Variants in CEP97 observed in about 807,000 individuals in gnomAD.
The protein encoded by CEP97 is centrosomal protein of 97 kDa.
Under a neutral mutation model 73.1 loss-of-function variants are expected in CEP97, and 43 were observed. The observed-to-expected ratio is 0.59, with a 90% CI of 0.46 to 0.76. CEP97 has a LOEUF of 0.76. CEP97 is among the 30% of genes least tolerant of loss of function. The pLI, the probability that CEP97 is intolerant of heterozygous loss-of-function variation, is 0.00. For missense variants in CEP97, 939 were observed against 1,014.0 expected, an observed-to-expected ratio of 0.93 and a Z score of 1.00; for synonymous variants, 337 against 370.0, an observed-to-expected ratio of 0.91 and a Z score of 1.02.
Position 101,757,857 on chromosome 3 carries a change from T to C in CEP97, c.1251T>C (p.Pro417=). 3 of 1,614,250 alleles carry C rather than the reference T, an allele frequency of 1.9e-6. No homozygotes were observed. The highest frequency in any genetic ancestry group is 2.5e-6 in the Non-Finnish European group (3 of 1,180,050). Residue 417 remains proline (P), a synonymous_variant, in exon 9 of 11, where the codon CCT becomes CCC. Transcript: ENST00000341893. Reference sequence around the variant, plus strand: ...CATCAGGACTGTCTCCACTATCACCTACAGTTGAGCTGAGGCTGCAGGGCA... The same window carrying C: ...CATCAGGACTGTCTCCACTATCACCCACAGTTGAGCTGAGGCTGCAGGGCA... ...PVASGLSPLS[P]TVELRLQGIN... is the part of the protein sequence containing the mutation.
Position 101,758,139 on chromosome 3 carries a change from A to G in CEP97, c.1533A>G (p.Lys511=), listed in dbSNP as rs1479302378. The change falls in exon 9 of 11, where the codon AAA becomes AAG. Residue 511 remains lysine (K), a synonymous_variant. Transcript: ENST00000341893. Reference sequence around the variant, plus strand: ...TTTTTCCTGAGTCAACTGAGCAGAAACAATCAGACATAAAGAAACCAGAAA... The same window carrying G: ...TTTTTCCTGAGTCAACTGAGCAGAAGCAATCAGACATAAAGAAACCAGAAA... The part of the protein sequence containing the change: ...LTFFPESTEQ[K]QSDIKKPENT... 1 of 1,614,222 alleles carries G rather than the reference A, an allele frequency of 6.2e-7. No homozygotes were observed. Among genetic ancestry groups the G allele is most frequent in the Admixed American group, 1.7e-5 (1 of 60,026 alleles).
At chr3:101,756,049 A>T (rs1032837896) in intron 7 of CEP97, among the ~76,000 whole-genome samples, 1 of 151,962 alleles carries the variant, frequency 6.6e-6, no homozygotes, top group African/African-American at 2.4e-5. Flanking sequence ...TAGGATTTTT[A>T]AAAAATATAT....
Position 101,726,604 on chromosome 3 carries a change from C to T in CEP97, c.54C>T (p.Val18=). The part of the protein sequence containing the change: ...AALPPGEGSV[V]NWSGQGLQKL... ...CCGTTTCTTTTCAAGGATCAGTGGT[C>T]AATTGGTCAGGACAGGGACTACAGA... The change falls in exon 2 of 11, where the codon GTC becomes GTT. Residue 18 remains valine, a synonymous_variant. Transcript: ENST00000341893. The T allele has an allele frequency of 6.3e-7, 1 of 1,586,164 alleles. No individual in the cohort carries two copies. The highest frequency in any genetic ancestry group is 8.5e-7 in the Non-Finnish European group (1 of 1,170,400).
Position 101,757,844 on chromosome 3 carries a change from C to T in CEP97, c.1238C>T (p.Ser413Phe). 6.2e-7 allele frequency: 1 copy of T among 1,614,226 alleles called. No individual in the cohort carries two copies. The highest frequency in any genetic ancestry group is 2.2e-5 in the East Asian group (1 of 44,886). The change falls in exon 9 of 11, where the codon TCT becomes TTT. Residue 413 changes from serine to phenylalanine, a missense_variant. Ser to Phe is a radical substitution (Grantham distance 155). Transcript: ENST00000341893. ...TTTATGCCAGTTGCATCAGGACTGT[C>T]TCCACTATCACCTACAGTTGAGCTG... ...STFMPVASGL[S>F]PLSPTVELRL... is the part of the protein sequence containing the mutation.
chr3:101,725,513 C>G lies in CEP97; in HGVS notation c.43+794C>G, dbSNP rs189763665. On this transcript the variant is annotated intron_variant, in intron 1 of 10. Coordinates refer to ENST00000341893, the MANE Select transcript of CEP97 (RefSeq NM_024548.4). ...TTGGGGGAAGAGTTGGTGGATGGTT[C>G]TCAGACCTCTCTGTCGACCCCTTGG... Among the ~76,000 whole-genome samples the G allele has an allele frequency of 2.6e-5, 4 of 152,236 alleles. No homozygotes were observed. The East Asian group carries it at 7.7e-4, about 29-fold the overall frequency.
rs79459413 is a variant in CEP97, at chr3:101,755,289, A to T, written c.729-141A>T. ...TATGAGTCAGAATGATAGATTTTTT[A>T]AAAAAATTGAGTGAATTTTATTTAT... On this transcript the variant is annotated intron_variant, in intron 6 of 10. Coordinates refer to ENST00000341893, the MANE Select transcript of CEP97 (RefSeq NM_024548.4). The T allele has an allele frequency of 0.012, 8,720 of 725,608 alleles. 588 individuals carry two copies. In the African/African-American group the frequency reaches 0.14, roughly 12 times the overall value. The allele number at this position is 725,608 out of a possible 1,614,324, so 44.9% of individuals were successfully genotyped here.
In CEP97 at chr3:101,767,820, A is replaced by G. The variant is rs1438975186; in HGVS notation, c.*2269A>G. The G allele has an allele frequency of 2.0e-5, 3 of 152,214 alleles. No individual in the cohort carries two copies. The allele number at this position is 152,214 out of a possible 1,614,324, so 9.4% of individuals were successfully genotyped here. On this transcript the variant is annotated 3_prime_UTR_variant, in exon 11 of 11. Transcript: ENST00000341893. ...AATAGCCCCTTCCTTAACTGTACATATTATCTTGAATGTAGATAAAATGAA... is the reference window on the plus strand; with the variant it reads ...AATAGCCCCTTCCTTAACTGTACATGTTATCTTGAATGTAGATAAAATGAA...
At chr3:101,750,312 C>T (rs1235218004) in intron 6 of CEP97, among the ~76,000 whole-genome samples, 53 of 148,954 alleles carry the variant, frequency 3.6e-4, no homozygotes, top group Admixed American at 7.4e-4. Flanking sequence ...TGTAGATATG[C>T]GGCGTTATTT....
intron 6 of CEP97, among the ~76,000 whole-genome samples, chr3:101,747,509 T>C (rs1015942811): frequency 7.9e-5 from 12 of 151,808 alleles, no homozygotes; most frequent in African/African-American, 2.9e-4. Flanking sequence ...TCCGCCCACC[T>C]CAGCCTCCCA....
At chr3:101,725,212 G>C in intron 1 of CEP97, among the ~76,000 whole-genome samples, 1 of 152,206 alleles carries the variant, frequency 6.6e-6, no homozygotes, top group East Asian at 1.9e-4. Flanking sequence ...AAATCTAAGG[G>C]ATGATCCAGA....
Position 101,727,350 on chromosome 3 carries a change from T to A in CEP97, c.187-33T>A, listed in dbSNP as rs759268940. The A allele has an allele frequency of 4.5e-6, 7 of 1,551,870 alleles. No homozygotes were observed. In the South Asian group the frequency reaches 8.0e-5, roughly 18 times the overall value. On this transcript the variant is annotated intron_variant, in intron 2 of 10. Coordinates refer to ENST00000341893, the MANE Select transcript of CEP97 (RefSeq NM_024548.4). ...ATGTGAAATATTTTATATATGTTAT[T>A]CCTAAAAATAACAATATGTTTCCTT...
rs140439146 is a variant in CEP97, at chr3:101,744,153, A to G, written c.729-11277A>G. Among the ~76,000 whole-genome samples, 53 of 152,318 alleles carry G rather than the reference A, an allele frequency of 3.5e-4. 1 individual carries two copies. The highest frequency in any genetic ancestry group is 1.2e-3 in the African/African-American group (51 of 41,562). ...AATGTACATATATACTTTGTTACCCAGCAATTTTACTTCACATGTATACTG... is the reference window on the plus strand; with the variant it reads ...AATGTACATATATACTTTGTTACCCGGCAATTTTACTTCACATGTATACTG... On this transcript the variant is annotated intron_variant, in intron 6 of 10. Coordinates refer to ENST00000341893, the MANE Select transcript of CEP97 (RefSeq NM_024548.4).
chr3:101,752,917 C>T (rs1218255356), intron 6 of CEP97, among the ~76,000 whole-genome samples: 1 of 152,190 alleles, frequency 6.6e-6, no homozygotes, highest in Non-Finnish European at 1.5e-5. Context: ...CTCCGTCCAG[C>T]TTTGTTCCGT....
Position 101,732,629 on chromosome 3 carries a change from G to C in CEP97, c.703G>C (p.Gly235Arg). The change falls in exon 6 of 11, where the codon GGA (glycine) becomes CGA (arginine). Residue 235 changes from glycine (G) to arginine (R), a missense_variant. Coordinates refer to ENST00000341893, the MANE Select transcript of CEP97 (RefSeq NM_024548.4). The part of the protein sequence containing the change: ...SWCLNLRVLD[G>R]YVISQKESLK... ...GTGCCTAAACCTCAGAGTCCTAGATGGATATGTGATTTCTCAGAAGGAAAG... is the reference window on the plus strand; with the variant it reads ...GTGCCTAAACCTCAGAGTCCTAGATCGATATGTGATTTCTCAGAAGGAAAG... The C allele has an allele frequency of 6.2e-7, 1 of 1,608,950 alleles. No individual in the cohort carries two copies. Among genetic ancestry groups the C allele is most frequent in the Non-Finnish European group, 8.5e-7 (1 of 1,177,282 alleles).
chr3:101,751,376 A>G (rs558736548), intron 6 of CEP97, among the ~76,000 whole-genome samples: 2 of 152,236 alleles, frequency 1.3e-5, no homozygotes, highest in East Asian at 1.9e-4. Context: ...GTGCTGAAAA[A>G]AATGTATATT....
At position 101,728,847 on chromosome 3, in the gene CEP97, G is replaced by GCCTATCTATTGTGCCT; in HGVS notation, c.357_358insCCTATCTATTGTGCCT (p.Ile120ProfsTer8). The GCCTATCTATTGTGCCT allele has an allele frequency of 6.2e-7, 1 of 1,602,612 alleles. No individual in the cohort carries two copies. The highest frequency in any genetic ancestry group is 2.2e-5 in the East Asian group (1 of 44,828). On this transcript the variant is annotated frameshift_variant, in exon 4 of 11. Coordinates refer to ENST00000341893, the MANE Select transcript of CEP97 (RefSeq NM_024548.4). LOFTEE classifies it high-confidence loss of function. The stretch of plus-strand genomic sequence containing the variant: ...TTTTCTTGTGATAGGCCATGGAACA[G>GCCTATCTATTGTGCCT]ATCAATAGCTGCACAGCTCTACAGC...
rs1290064392 is a variant in CEP97, at chr3:101,732,665, GCT to G, written c.728+14_728+15del. The G allele has an allele frequency of 6.3e-7, 1 of 1,591,782 alleles. No individual in the cohort carries two copies. The highest frequency in any genetic ancestry group is 8.6e-7 in the Non-Finnish European group (1 of 1,164,514). ...TTCTCAGAAGGAAAGGTAAACATGT[GCT>G]CTTTAACATCACAAATGTTACTGAA... On this transcript the variant is annotated intron_variant, in intron 6 of 10. Transcript: ENST00000341893.
chr3:101,739,618 A>G (rs148108440), intron 6 of CEP97, among the ~76,000 whole-genome samples: 2,196 of 152,180 alleles, frequency 0.014, 63 homozygotes, highest in South Asian at 0.12. Flanking sequence ...ATAAAATTCA[A>G]CACCCCTGGC....
intron 6 of CEP97, among the ~76,000 whole-genome samples, chr3:101,733,174 G>C (rs1211368494): frequency 6.6e-6 from 1 of 152,036 alleles, no homozygotes; most frequent in African/African-American, 2.4e-5. Context: ...AGTAGTCTTA[G>C]TGCCCTACAT....
Sources: gnomAD v4.1 joint callset for allele counts (sites outside exome capture counted in the v4.1 genomes callset) on GRCh38, gnomAD v4.1.1 for gene constraint, MANE v1.5 for transcripts, NCBI Gene and HGNC (gene_info 2026-07-23, HGNC 2026-07-21) for gene names.